Variants in CFAP299 observed in about 807,000 individuals in gnomAD.
The protein encoded by CFAP299 is cilia- and flagella-associated protein 299.
A neutral mutation model predicts 27.0 loss-of-function variants in CFAP299; 21 were observed. The ratio of observed to expected loss-of-function variants is 0.78; its 90% CI spans 0.55 to 1.12. The LOEUF (loss-of-function observed/expected upper bound fraction) is 1.12. CFAP299 is among the 50% of genes most tolerant of loss of function. CFAP299 has a pLI of 0.00. For synonymous variants in CFAP299, 104 were observed against 98.1 expected (o/e 1.06, Z -0.36); for missense variants, 310 against 276.6 (o/e 1.12, Z -0.86).
intron 2 of CFAP299, among the ~76,000 whole-genome samples, chr4:80,578,612 A>G (rs1736000265): frequency 6.6e-6 from 1 of 152,180 alleles, no homozygotes; most frequent in Admixed American, 6.6e-5. Flanking sequence ...TGGACTAATT[A>G]TATATTAATG....
intron 3 of CFAP299, among the ~76,000 whole-genome samples, chr4:80,783,637 A>G (rs1326981870): frequency 2.6e-5 from 4 of 152,174 alleles, no homozygotes; most frequent in African/African-American, 9.7e-5. Flanking sequence ...GCAATATATC[A>G]TTGCAAAAGA....
intron 2 of CFAP299, among the ~76,000 whole-genome samples, chr4:80,447,535 C>A (rs1459271868): frequency 1.3e-5 from 2 of 152,112 alleles, no homozygotes; most frequent in African/African-American, 2.4e-5. Flanking sequence ...TGGATTCAAG[C>A]GGTTCTCCTG....
the CFAP299 span, among the ~76,000 whole-genome samples, chr4:80,327,597 C>CA: frequency 7.1e-6 from 1 of 140,724 alleles, no homozygotes; most frequent in African/African-American, 2.6e-5. Flanking sequence ...GTTGTCCAGG[C>CA]AAAAAAATAG....
chr4:80,464,862 T>A (rs889293264), intron 2 of CFAP299, among the ~76,000 whole-genome samples: 1 of 152,138 alleles, frequency 6.6e-6, no homozygotes, highest in Non-Finnish European at 1.5e-5. Flanking sequence ...TTTCAGTGAA[T>A]ATTTTTATGT....
At chr4:80,397,440 C>T (rs552488586) in intron 2 of CFAP299, among the ~76,000 whole-genome samples, 3 of 152,170 alleles carry the variant, frequency 2.0e-5, no homozygotes, top group Admixed American at 6.5e-5. Flanking sequence ...AATGTGTTTG[C>T]TCTTGCTTCT....
At chr4:80,963,022 G>GA (rs913445804) in intron 5 of CFAP299, among the ~76,000 whole-genome samples, 7 of 149,668 alleles carry the variant, frequency 4.7e-5, no homozygotes, top group South Asian at 2.1e-4. Flanking sequence ...TTTGAAGGAA[G>GA]AAAAAAAAAG....
chr4:80,920,902 A>G (rs887593369), intron 4 of CFAP299, among the ~76,000 whole-genome samples: 1 of 152,146 alleles, frequency 6.6e-6, no homozygotes, highest in Non-Finnish European at 1.5e-5. Flanking sequence ...TCTCTTATTC[A>G]GGGTTACTCA....
intron 3 of CFAP299, among the ~76,000 whole-genome samples, chr4:80,759,805 TCTAA>T (rs781289789): frequency 1.1e-4 from 16 of 152,220 alleles, no homozygotes; most frequent in African/African-American, 3.6e-4. Context: ...TATTTAGTGA[TCTAA>T]CTAATTCCAA....
chr4:80,381,380 A>ATTTT lies in CFAP299; in HGVS notation c.242+18536_242+18539dup. Among the ~76,000 whole-genome samples, 3 of 3,864 alleles carry ATTTT rather than the reference A, an allele frequency of 7.8e-4. 1 individual carries two copies. Among genetic ancestry groups the ATTTT allele is most frequent in the African/African-American group, 9.5e-4 (3 of 3,158 alleles). The allele number at this position is 3,864 out of a possible 152,430, so 2.5% of individuals were successfully genotyped here. A position where few individuals can be genotyped will look rare whatever the true frequency, so the allele number is the denominator to read the frequency against. On this transcript the variant is annotated intron_variant, in intron 2 of 5. Coordinates refer to ENST00000358105, the MANE Select transcript of CFAP299 (RefSeq NM_152770.3). ...ATTTATAATTACTCTTAACATATAC[A>ATTTT]TTTTTTTTTTTTTTTTTTTTTTTTT...
chr4:80,839,429 A>G (rs1340325475), intron 3 of CFAP299, among the ~76,000 whole-genome samples: 3 of 152,248 alleles, frequency 2.0e-5, no homozygotes, highest in Non-Finnish European at 2.9e-5. Context: ...AAGTACAAAA[A>G]GGCTGTATGA....
intron 3 of CFAP299, among the ~76,000 whole-genome samples, chr4:80,738,687 C>A (rs1040271431): frequency 2.2e-4 from 33 of 150,704 alleles, no homozygotes; most frequent in African/African-American, 7.8e-4. Flanking sequence ...CCCTTTCAAC[C>A]ACTCTATGTC....
chr4:80,648,889 C>A (rs1740156845), intron 3 of CFAP299: 1 of 152,020 alleles, frequency 6.6e-6, no homozygotes, highest in Non-Finnish European at 1.5e-5. Flanking sequence ...GTTTCAAATT[C>A]TCTATTTTAG....
intron 2 of CFAP299, among the ~76,000 whole-genome samples, chr4:80,567,095 C>G (rs1354923354): frequency 6.6e-6 from 1 of 151,996 alleles, no homozygotes; most frequent in Non-Finnish European, 1.5e-5. Flanking sequence ...TCTGAAGACT[C>G]CCACTTGGAT....
chr4:80,504,552 G>A (rs1482245258), intron 2 of CFAP299, among the ~76,000 whole-genome samples: 1 of 125,194 alleles, frequency 8.0e-6, no homozygotes, highest in African/African-American at 3.0e-5. Context: ...AATTTCCTCG[G>A]GAGAAAAAAA....
At chr4:80,444,222 A>G (rs1262446024) in intron 2 of CFAP299, among the ~76,000 whole-genome samples, 1 of 152,204 alleles carries the variant, frequency 6.6e-6, no homozygotes, top group Non-Finnish European at 1.5e-5. Flanking sequence ...TATAGCCAAG[A>G]CAATGCTAAG....
chr4:80,883,777 A>G (rs1488596458), intron 4 of CFAP299, among the ~76,000 whole-genome samples: 1 of 152,186 alleles, frequency 6.6e-6, no homozygotes, highest in East Asian at 1.9e-4. Flanking sequence ...TATGAACCAA[A>G]TATCAACAGA....
At chr4:80,744,811 T>C (rs1227456909) in intron 3 of CFAP299, among the ~76,000 whole-genome samples, 1 of 152,182 alleles carries the variant, frequency 6.6e-6, no homozygotes, top group Non-Finnish European at 1.5e-5. Context: ...CACATCACTT[T>C]ATTTTTAAAA....
intron 2 of CFAP299, among the ~76,000 whole-genome samples, chr4:80,416,502 A>C (rs1236041195): frequency 6.6e-6 from 1 of 152,156 alleles, no homozygotes; most frequent in East Asian, 1.9e-4. Flanking sequence ...TACTTGTCTG[A>C]TATTGTAAAT....
At chr4:80,631,859 G>GGCCCCC (rs34615962) in intron 3 of CFAP299, among the ~76,000 whole-genome samples, 2 of 21,470 alleles carry the variant, frequency 9.3e-5, no homozygotes, top group Non-Finnish European at 1.8e-4. Flanking sequence ...GAATATTTGT[G>GGCCCCC]CCCCACCCCC....
Sources: gnomAD v4.1 joint callset for allele counts (sites outside exome capture counted in the v4.1 genomes callset) on GRCh38, gnomAD v4.1.1 for gene constraint, MANE v1.5 for transcripts, NCBI Gene and HGNC (gene_info 2026-07-23, HGNC 2026-07-21) for gene names.